Variants in NCKAP5 observed in about 807,000 individuals in gnomAD.
NCKAP5 encodes the protein NCK associated protein 5.
In NCKAP5, 92 loss-of-function variants were observed where a neutral mutation model predicts 167.0. The ratio of observed to expected loss-of-function variants is 0.55; its 90% CI spans 0.47 to 0.66. The LOEUF is 0.66. Ranked by LOEUF, NCKAP5 falls within the 30% of genes least tolerant of loss-of-function variation. The pLI, the probability that NCKAP5 is intolerant of heterozygous loss-of-function variation, is 0.00. For synonymous variants in NCKAP5, 891 were observed against 877.4 expected (o/e 1.02, Z -0.27); for missense variants, 2,378 against 2,315.0 (o/e 1.03, Z -0.56).
the NCKAP5 span, among the ~76,000 whole-genome samples, chr2:133,601,979 T>G: frequency 1.3e-5 from 2 of 152,202 alleles, no homozygotes; most frequent in East Asian, 3.9e-4. Flanking sequence ...ACAGTAATGG[T>G]GTCTAAATAA....
intron 8 of NCKAP5, among the ~76,000 whole-genome samples, chr2:132,936,137 A>G (rs1696834980): frequency 6.6e-6 from 1 of 151,934 alleles, no homozygotes; most frequent in African/African-American, 2.4e-5. Flanking sequence ...GCTCGCCACC[A>G]TGCCCGGCTA....
chr2:132,674,125 T>G (rs564428731), intron 19 of NCKAP5, among the ~76,000 whole-genome samples: 1 of 152,202 alleles, frequency 6.6e-6, no homozygotes, highest in Non-Finnish European at 1.5e-5. Flanking sequence ...AAAACAGACA[T>G]GTAAAAGTGT....
At chr2:132,768,788 C>T (rs13417412) in intron 16 of NCKAP5, among the ~76,000 whole-genome samples, 2,884 of 150,410 alleles carry the variant, frequency 0.019, 80 homozygotes, top group African/African-American at 0.066. Flanking sequence ...TACAGGCGCC[C>T]GCCACCACGC....
intron 3 of NCKAP5, among the ~76,000 whole-genome samples, chr2:133,431,980 T>G (rs754983376): frequency 4.6e-5 from 7 of 152,146 alleles, no homozygotes; most frequent in Admixed American, 2.0e-4. Context: ...ATAAATTTGT[T>G]TCTCTCTGAA....
intron 4 of NCKAP5, among the ~76,000 whole-genome samples, chr2:133,217,142 C>A (rs906878413): frequency 6.6e-6 from 1 of 152,068 alleles, no homozygotes; most frequent in Non-Finnish European, 1.5e-5. Flanking sequence ...AGCAACGAGT[C>A]TTTGGACAAA....
chr2:133,548,677 C>T (rs1686981071), intron 2 of NCKAP5, among the ~76,000 whole-genome samples: 1 of 151,924 alleles, frequency 6.6e-6, no homozygotes, highest in Non-Finnish European at 1.5e-5. Context: ...CAAGCAAATG[C>T]TGAGAGATTT....
chr2:133,176,173 A>C (rs1190544651), intron 5 of NCKAP5, among the ~76,000 whole-genome samples: 1 of 152,180 alleles, frequency 6.6e-6, no homozygotes, highest in Non-Finnish European at 1.5e-5. Context: ...CCCAATAATT[A>C]TTTTGCATCA....
At chr2:133,439,430 C>T (rs1283440150) in intron 3 of NCKAP5, among the ~76,000 whole-genome samples, 1 of 152,074 alleles carries the variant, frequency 6.6e-6, no homozygotes, top group Non-Finnish European at 1.5e-5. Context: ...GGCAACAGTG[C>T]CAATTCAACA....
intron 3 of NCKAP5, among the ~76,000 whole-genome samples, chr2:133,348,220 C>A (rs1185046508): frequency 2.0e-5 from 3 of 152,192 alleles, no homozygotes; most frequent in Non-Finnish European, 4.4e-5. Context: ...CTCATCCCTT[C>A]TCTCCCTCCT....
chr2:133,206,101 C>T (rs970558820), intron 5 of NCKAP5, among the ~76,000 whole-genome samples: 9 of 152,028 alleles, frequency 5.9e-5, no homozygotes, highest in African/African-American at 1.9e-4. Context: ...TGACAGAAGG[C>T]GTTCTAGTCT....
At chr2:133,443,595 G>A (rs561610662) in intron 3 of NCKAP5, among the ~76,000 whole-genome samples, 41 of 152,108 alleles carry the variant, frequency 2.7e-4, no homozygotes, top group African/African-American at 9.4e-4. Flanking sequence ...TGAGACCTTT[G>A]AGCTGCCCGC....
At chr2:133,251,971 T>G (rs566984348) in intron 4 of NCKAP5, among the ~76,000 whole-genome samples, 1 of 152,240 alleles carries the variant, frequency 6.6e-6, no homozygotes, top group Admixed American at 6.5e-5. Context: ...TCTCCTAATG[T>G]TTGGCCACAG....
intron 6 of NCKAP5, among the ~76,000 whole-genome samples, chr2:133,041,104 G>T (rs2079205799): frequency 1.3e-5 from 2 of 152,148 alleles, no homozygotes; most frequent in South Asian, 4.1e-4. Context: ...CGGAAGTTTT[G>T]CACATTTAAT....
At chr2:132,788,144 C>T (rs1188802050) in intron 13 of NCKAP5, among the ~76,000 whole-genome samples, 1 of 152,056 alleles carries the variant, frequency 6.6e-6, no homozygotes, top group Non-Finnish European at 1.5e-5. Flanking sequence ...ACACGAATGC[C>T]CCGTGGGAGT....
intron 6 of NCKAP5, among the ~76,000 whole-genome samples, chr2:133,040,200 T>C (rs1170448733): frequency 6.6e-6 from 1 of 152,128 alleles, no homozygotes; most frequent in Non-Finnish European, 1.5e-5. Flanking sequence ...GATAAAAATT[T>C]ATCTGCTAAT....
At chr2:132,977,649 C>G (rs7589684) in intron 7 of NCKAP5, among the ~76,000 whole-genome samples, 80,213 of 152,020 alleles carry the variant, frequency 0.53, 21,225 homozygotes, top group Non-Finnish European at 0.55. Flanking sequence ...GAAAGTCAGA[C>G]ATAAATTACA....
chr2:132,962,258 C>G (rs904447685), intron 8 of NCKAP5, among the ~76,000 whole-genome samples: 12 of 152,294 alleles, frequency 7.9e-5, no homozygotes, highest in Admixed American at 7.2e-4. Context: ...AGACTATGCA[C>G]CAGGCATCAT....
intron 1 of NCKAP5, among the ~76,000 whole-genome samples, chr2:133,567,636 C>T (rs1333021705): frequency 6.7e-6 from 1 of 148,592 alleles, no homozygotes; most frequent in East Asian, 2.0e-4. Context: ...GATACATACA[C>T]ATTCCTGAGG....
intron 4 of NCKAP5, among the ~76,000 whole-genome samples, chr2:133,226,778 A>G (rs1386710347): frequency 2.0e-5 from 3 of 152,136 alleles, no homozygotes; most frequent in South Asian, 2.1e-4. Flanking sequence ...CAACCTTGTC[A>G]ATGCATCTTG....
Sources: gnomAD v4.1 joint callset for allele counts (sites outside exome capture counted in the v4.1 genomes callset) on GRCh38, gnomAD v4.1.1 for gene constraint, MANE v1.5 for transcripts, NCBI Gene and HGNC (gene_info 2026-07-23, HGNC 2026-07-21) for gene names.